The following CNGB3 variants were observed in gnomAD, a reference collection of about 807,000 sequenced individuals.
CNGB3 encodes cyclic nucleotide gated channel subunit beta 3.
A neutral mutation model predicts 92.8 loss-of-function variants in CNGB3; 86 were observed. The observed-to-expected ratio is 0.93, with a 90% CI of 0.78 to 1.11. The LOEUF (loss-of-function observed/expected upper bound fraction) is 1.11, where lower values mean the gene tolerates loss of function less well. CNGB3 is among the 50% of genes least tolerant of loss of function. The pLI is 0.00. For synonymous variants in CNGB3, 333 were observed against 332.7 expected, an observed-to-expected ratio of 1.00 and a Z score of -0.01; for missense variants, 1,026 against 956.8, an observed-to-expected ratio of 1.07 and a Z score of -0.95.
intron 15 of CNGB3, among the ~76,000 whole-genome samples, chr8:86,596,813 T>C (rs994784014): frequency 1.3e-5 from 2 of 152,174 alleles, no homozygotes; most frequent in East Asian, 1.9e-4. Flanking sequence ...AAAGAAAATG[T>C]GGCACATATG....
At chr8:86,738,561 CG>C (rs1164146498) in intron 2 of CNGB3, among the ~76,000 whole-genome samples, 1 of 152,072 alleles carries the variant, frequency 6.6e-6, no homozygotes, top group African/African-American at 2.4e-5. Context: ...GGAAGTGGGC[CG>C]GGCGCGGTGG....
intron 3 of CNGB3, among the ~76,000 whole-genome samples, chr8:86,713,519 A>G (rs1330834536): frequency 6.6e-6 from 1 of 152,198 alleles, no homozygotes; most frequent in African/African-American, 2.4e-5. Context: ...GTGATGTTCA[A>G]ATATACTGTA....
intron 1 of CNGB3, 116 bp downstream of exon 1, chr8:86,743,383 C>T: frequency 1.8e-6 from 2 of 1,117,670 alleles, no homozygotes; most frequent in Non-Finnish European, 2.7e-6. Flanking sequence ...AGTACATGTA[C>T]CAGATGGTGC....
At chr8:86,690,236 C>T (rs1160972771) in intron 3 of CNGB3, among the ~76,000 whole-genome samples, 2 of 152,256 alleles carry the variant, frequency 1.3e-5, no homozygotes, top group African/African-American at 4.8e-5. Flanking sequence ...TGTTTCCTGA[C>T]TTTTTAATGA....
At chr8:86,621,043 T>C (rs1397581129) in intron 13 of CNGB3, among the ~76,000 whole-genome samples, 1 of 152,198 alleles carries the variant, frequency 6.6e-6, no homozygotes, top group Non-Finnish European at 1.5e-5. Flanking sequence ...TAACCTTTTT[T>C]CTCAATCAGA....
intron 3 of CNGB3, among the ~76,000 whole-genome samples, chr8:86,685,083 A>G (rs1364422013): frequency 2.0e-5 from 3 of 152,108 alleles, no homozygotes; most frequent in Non-Finnish European, 4.4e-5. Context: ...TTGTGAGATT[A>G]TTGTACTATA....
chr8:86,634,247 G>A (rs1387622180), intron 10 of CNGB3, among the ~76,000 whole-genome samples: 8 of 152,000 alleles, frequency 5.3e-5, no homozygotes. Flanking sequence ...CTTTTAGTAT[G>A]GTATTCAATA....
At chr8:86,611,480 T>C in intron 14 of CNGB3, 108 bp downstream of exon 14, 1 of 807,120 alleles carries the variant, frequency 1.2e-6, no homozygotes, top group East Asian at 2.5e-5. Context: ...ATTTCTATAC[T>C]ATGGAATTCA....
At chr8:86,633,719 T>A (rs1034062992) in intron 10 of CNGB3, among the ~76,000 whole-genome samples, 33 of 152,236 alleles carry the variant, frequency 2.2e-4, no homozygotes, top group African/African-American at 8.0e-4. Flanking sequence ...TTTAAACTAC[T>A]ACACTATTGA....
At chr8:86,695,207 G>T (rs896712163) in intron 3 of CNGB3, among the ~76,000 whole-genome samples, 2 of 152,188 alleles carry the variant, frequency 1.3e-5, no homozygotes, top group Non-Finnish European at 2.9e-5. Flanking sequence ...CTCGGCAGGA[G>T]AATCAGGCAG....
At chr8:86,614,171 T>C (rs1822572319) in intron 13 of CNGB3, among the ~76,000 whole-genome samples, 1 of 152,010 alleles carries the variant, frequency 6.6e-6, no homozygotes, top group Non-Finnish European at 1.5e-5. Flanking sequence ...CTCTACCTCT[T>C]CCCAGTTCCT....
rs770816095 is a variant in CNGB3 at position 86,667,057 on chromosome 8, G to A, written c.720C>T (p.Leu240=). The A allele has an allele frequency of 3.8e-5, 62 of 1,613,928 alleles. No individual in the cohort carries two copies. The highest frequency in any genetic ancestry group is 1.5e-4 in the Admixed American group (9 of 59,978). Residue 240 remains leucine (L), a synonymous_variant, in exon 6 of 18, where the codon CTC becomes CTT. Transcript: ENST00000320005. The stretch of plus-strand genomic sequence containing the variant: ...TGTCTGCGGTTTGATATGGGAAGAC[G>A]AGGCGCAGTGGTATAAAACAGCAGT... ...NWNCCFIPLR[L]VFPYQTADNI... is the part of the protein sequence containing the mutation.
At chr8:86,659,689 G>C (rs1823593820) in intron 6 of CNGB3, 1 of 424,180 alleles carries the variant, frequency 2.4e-6, no homozygotes, top group African/African-American at 2.1e-5. Flanking sequence ...AGCATGCTGA[G>C]TGTAATACAG....
chr8:86,638,764 C>A (rs1823121974), intron 10 of CNGB3, among the ~76,000 whole-genome samples: 1 of 151,870 alleles, frequency 6.6e-6, no homozygotes, highest in Non-Finnish European at 1.5e-5. Flanking sequence ...TCCTTCTGAA[C>A]TCTCCCCTGT....
chr8:86,731,096 TAGAAA>T (rs1825147537), intron 2 of CNGB3, among the ~76,000 whole-genome samples: 1 of 152,212 alleles, frequency 6.6e-6, no homozygotes, highest in Non-Finnish European at 1.5e-5. Context: ...TGCTATTACA[TAGAAA>T]AGAAAATAGA....
chr8:86,649,921 T>A (rs1386598976), intron 7 of CNGB3, among the ~76,000 whole-genome samples: 2 of 151,668 alleles, frequency 1.3e-5, no homozygotes, highest in Non-Finnish European at 3.0e-5. Flanking sequence ...GTATCCAGAA[T>A]CTACAAGGAA....
intron 6 of CNGB3, chr8:86,658,499 C>A: frequency 2.5e-6 from 1 of 393,078 alleles, no homozygotes; most frequent in East Asian, 6.2e-5. Context: ...GAGCTTCCTC[C>A]TGCTGCAGCT....
intron 3 of CNGB3, among the ~76,000 whole-genome samples, chr8:86,702,400 T>A (rs79904559): frequency 1.3e-5 from 2 of 152,218 alleles, no homozygotes; most frequent in Non-Finnish European, 2.9e-5. Flanking sequence ...ACATATTTTG[T>A]ATTAATACAG....
chr8:86,712,090 G>A (rs942114089), intron 3 of CNGB3, among the ~76,000 whole-genome samples: 4 of 151,780 alleles, frequency 2.6e-5, no homozygotes, highest in Non-Finnish European at 2.9e-5. Context: ...TGGTAGTAAC[G>A]GATGAAAGAT....
Sources: allele counts gnomAD v4.1 joint callset (sites outside exome capture counted in the v4.1 genomes callset), GRCh38; gene constraint gnomAD v4.1.1; transcripts MANE v1.5; gene names NCBI Gene and HGNC (gene_info 2026-07-23, HGNC 2026-07-21).